Variants in UTS2B observed in about 807,000 individuals in gnomAD.
UTS2B encodes urotensin-2B.
UTS2B carries 21 observed loss-of-function variants against 19.2 expected under a neutral mutation model. The ratio of observed to expected loss-of-function variants is 1.09; its 90% CI spans 0.78 to 1.58. UTS2B has a LOEUF of 1.58. Among genes scored for constraint, UTS2B ranks in the 40% most tolerant of loss-of-function variants. UTS2B has a pLI of 0.00. For missense variants in UTS2B, 138 were observed against 130.3 expected, an observed-to-expected ratio of 1.06 and a Z score of -0.29; for synonymous variants, 57 against 50.2, an observed-to-expected ratio of 1.14 and a Z score of -0.58.
At chr3:191,294,518 C>A (rs1716806295) in intron 4 of UTS2B, 1 of 151,894 alleles carries the variant, frequency 6.6e-6, no homozygotes, top group Non-Finnish European at 1.5e-5. Context: ...CCTTGGCCAA[C>A]AGGAGCTATG....
intron 1 of UTS2B, chr3:191,329,436 C>A: frequency 2.2e-6 from 1 of 450,434 alleles, no homozygotes; most frequent in South Asian, 4.4e-5. Flanking sequence ...GGGCCGGGGA[C>A]GCGGAGCAGG....
intron 3 of UTS2B, among the ~76,000 whole-genome samples, chr3:191,315,449 C>G (rs145734513): frequency 6.6e-6 from 1 of 152,202 alleles, no homozygotes; most frequent in East Asian, 1.9e-4. Context: ...GGATACTGAG[C>G]CCTAAGCTGC....
At chr3:191,343,872 T>C in the UTS2B span, among the ~76,000 whole-genome samples, 1 of 152,202 alleles carries the variant, frequency 6.6e-6, no homozygotes, top group African/African-American at 2.4e-5. Context: ...GAATACCTGG[T>C]TCACTTTACT....
chr3:191,324,439 T>A (rs953582302), intron 2 of UTS2B, among the ~76,000 whole-genome samples: 46 of 152,178 alleles, frequency 3.0e-4, no homozygotes, highest in African/African-American at 1.1e-3. Flanking sequence ...AATTCCCACA[T>A]GTGGTGGGAG....
intron 4 of UTS2B, among the ~76,000 whole-genome samples, chr3:191,298,174 G>A (rs564862082): frequency 1.1e-4 from 17 of 152,084 alleles, no homozygotes; most frequent in South Asian, 4.1e-4. Flanking sequence ...ACCCAATGTC[G>A]TACCTAGCAC....
At chr3:191,313,903 G>A (rs111761706) in intron 3 of UTS2B, among the ~76,000 whole-genome samples, 21,702 of 151,602 alleles carry the variant, frequency 0.14, 2,017 homozygotes, top group Non-Finnish European at 0.2. Context: ...ACTAATTTTT[G>A]TATTTTTAGT....
At chr3:191,271,734 G>A (rs9847242) in intron 8 of UTS2B, among the ~76,000 whole-genome samples, 79,103 of 151,958 alleles carry the variant, frequency 0.52, 21,364 homozygotes, top group Non-Finnish European at 0.59. Context: ...AGATGCTCTC[G>A]TCACAATGCC....
chr3:191,285,656 C>A (rs1022443099), intron 4 of UTS2B, among the ~76,000 whole-genome samples: 1 of 152,152 alleles, frequency 6.6e-6, no homozygotes, highest in Non-Finnish European at 1.5e-5. Context: ...AATCTCAGCA[C>A]TTTGGGAGGC....
At chr3:191,282,772 G>C (rs903216780) in intron 4 of UTS2B, among the ~76,000 whole-genome samples, 1 of 152,118 alleles carries the variant, frequency 6.6e-6, no homozygotes. Flanking sequence ...GCTCAAATTT[G>C]AAATGAATCA....
chr3:191,308,125 C>A (rs559206275), intron 3 of UTS2B, among the ~76,000 whole-genome samples: 1 of 152,134 alleles, frequency 6.6e-6, no homozygotes, highest in Admixed American at 6.5e-5. Context: ...TCAGCCACCA[C>A]GATGTAGGGA....
intron 1 of UTS2B, chr3:191,329,455 G>C (rs1717864449): frequency 2.1e-6 from 1 of 466,728 alleles, no homozygotes; most frequent in Non-Finnish European, 3.8e-6. Flanking sequence ...GGTGGCCGCG[G>C]CGGGGCAGCT....
chr3:191,306,335 A>G (rs1560142963), intron 3 of UTS2B, among the ~76,000 whole-genome samples: 1 of 152,238 alleles, frequency 6.6e-6, no homozygotes, highest in Non-Finnish European at 1.5e-5. Flanking sequence ...TCAGAGATAT[A>G]TTTAACTGGC....
chr3:191,307,827 G>A (rs370338824), intron 3 of UTS2B, among the ~76,000 whole-genome samples: 5 of 86,744 alleles, frequency 5.8e-5, no homozygotes, highest in South Asian at 4.1e-4. Flanking sequence ...TTTTCTTTTC[G>A]TTTTCTTCTC....
intron 3 of UTS2B, among the ~76,000 whole-genome samples, chr3:191,311,217 C>G (rs1352737704): frequency 6.6e-6 from 1 of 152,226 alleles, no homozygotes; most frequent in Non-Finnish European, 1.5e-5. Context: ...GTCCTCACAC[C>G]TAAGAGTCTT....
At chr3:191,312,503 C>T (rs1576931958) in intron 3 of UTS2B, among the ~76,000 whole-genome samples, 1 of 152,042 alleles carries the variant, frequency 6.6e-6, no homozygotes, top group Non-Finnish European at 1.5e-5. Flanking sequence ...CTCAGGGACC[C>T]ATCAGTTTAC....
At chr3:191,306,784 C>A (rs1036611361) in intron 3 of UTS2B, among the ~76,000 whole-genome samples, 1 of 152,172 alleles carries the variant, frequency 6.6e-6, no homozygotes, top group African/African-American at 2.4e-5. Context: ...CAGACGCACA[C>A]CACCATACCA....
chr3:191,292,386 A>AT (rs1350758041), intron 4 of UTS2B, among the ~76,000 whole-genome samples: 8 of 151,926 alleles, frequency 5.3e-5, no homozygotes, highest in Non-Finnish European at 1.0e-4. Flanking sequence ...TACTTTCTTA[A>AT]TTTTATTTTT....
At chr3:191,277,768 G>A (rs1469513670) in intron 6 of UTS2B, 1 of 172,192 alleles carries the variant, frequency 5.8e-6, no homozygotes. Context: ...AAATACTAGT[G>A]GTACTAGTGG....
intron 6 of UTS2B, 74 bp downstream of exon 6, chr3:191,277,998 A>G: frequency 1.4e-6 from 1 of 714,610 alleles, no homozygotes; most frequent in Non-Finnish European, 2.2e-6. Flanking sequence ...ATTAACATTT[A>G]GAAAAAGCAA....
Sources: allele counts gnomAD v4.1 joint callset (sites outside exome capture counted in the v4.1 genomes callset), GRCh38; gene constraint gnomAD v4.1.1; transcripts MANE v1.5; gene names NCBI Gene and HGNC (gene_info 2026-07-23, HGNC 2026-07-21).